PZP: variants seen among roughly 807,000 people sequenced by gnomAD.
The protein encoded by PZP is PZP alpha-2-macroglobulin like.
PZP carries 150 observed loss-of-function variants against 179.8 expected under a neutral mutation model. The ratio of observed to expected loss-of-function variants is 0.83; its 90% CI spans 0.73 to 0.96. The LOEUF (loss-of-function observed/expected upper bound fraction) is 0.96, where lower values mean the gene tolerates loss of function less well. Among genes scored for constraint, PZP ranks in the 40% least tolerant of loss-of-function variants. The pLI is 0.00. For synonymous variants in PZP, 624 were observed against 652.3 expected (o/e 0.96, Z 0.66); for missense variants, 1,689 against 1,764.0 (o/e 0.96, Z 0.76).
rs1407232266 is a variant in PZP at position 9,169,519 on chromosome 12, C to T, written c.1912G>A (p.Gly638Arg). 6.2e-7 allele frequency: 1 copy of T among 1,612,898 alleles called. No individual in the cohort carries two copies. Among genetic ancestry groups the T allele is most frequent in the African/African-American group, 1.3e-5 (1 of 74,818 alleles). The change falls in exon 16 of 36, where the codon GGA (glycine) becomes AGA (arginine). Residue 638 changes from glycine (G) to arginine (R), a missense_variant. Gly to Arg is a moderately radical substitution (Grantham distance 125). Around this residue, in one of 3 missense-constraint regions of PZP, gnomAD observed 201 missense variants for 284.2 expected, o/e 0.71. Coordinates refer to ENST00000261336, the MANE Select transcript of PZP (RefSeq NM_002864.3). ...ATGAAGAAAGGACGGGGACAGTGTC[C>T]TTGTTCTTCCTCCTGCTGGTCCACA... ...DNVDQQEEEQGHCPRPFFIHN... is the reference protein window; with the variant it reads ...DNVDQQEEEQRHCPRPFFIHN...
At chr12:9,151,452 G>C (rs1464222136) in intron 33 of PZP, 152 bp downstream of exon 33, 3 of 541,182 alleles carry the variant, frequency 5.5e-6, no homozygotes, top group African/African-American at 1.9e-5. Context: ...GAGTTCAAAG[G>C]TTTCCCCTCT....
intron 29 of PZP, 102 bp downstream of exon 29, chr12:9,154,514 A>T: frequency 8.8e-7 from 1 of 1,130,934 alleles, no homozygotes; most frequent in South Asian, 1.6e-5. Flanking sequence ...TACTTCTTCA[A>T]TGATTTAATA....
chr12:9,204,625 A>C (rs1233907978), intron 1 of PZP, among the ~76,000 whole-genome samples: 1 of 152,130 alleles, frequency 6.6e-6, no homozygotes, highest in Non-Finnish European at 1.5e-5. Context: ...TTACATGCAC[A>C]ACTCCCTGCT....
At chr12:9,160,942 C>T (rs1941156777) in intron 23 of PZP, 91 bp downstream of exon 23, 2 of 1,085,218 alleles carry the variant, frequency 1.8e-6, no homozygotes, top group Non-Finnish European at 2.8e-6. Context: ...TAGCAGCTAT[C>T]AAGAACTTGA....
At chr12:9,194,517 T>C (rs1468428527) in intron 10 of PZP, among the ~76,000 whole-genome samples, 1 of 138,694 alleles carries the variant, frequency 7.2e-6, no homozygotes, top group Admixed American at 8.1e-5. Flanking sequence ...CAGGCTGGAG[T>C]GCAGTGGCGC....
chr12:9,187,681 G>A lies in PZP; in HGVS notation c.1546+4512C>T, dbSNP rs142029846. 3.0e-3 allele frequency among the ~76,000 whole-genome samples: 457 copies of A among 152,248 alleles called. 5 individuals carry two copies. The highest frequency in any genetic ancestry group is 0.01 in the African/African-American group (423 of 41,524). On this transcript the variant is annotated intron_variant, in intron 13 of 35. Transcript: ENST00000261336. ...AGAATTTCTGGGACACAGCTAAGGC[G>A]GTGTTAAGAGGGAAACTTATAGCAC...
In PZP at chr12:9,208,259, G is replaced by A. The variant is rs777517494; in HGVS notation, c.83C>T (p.Pro28Leu). 13 of 1,610,840 alleles carry A rather than the reference G, an allele frequency of 8.1e-6. No homozygotes were observed. Among genetic ancestry groups the A allele is most frequent in the Admixed American group, 3.3e-5 (2 of 59,972 alleles). Residue 28 changes from proline to leucine, a missense_variant and splice_region_variant, in exon 1 of 36, where the codon CCG (proline) becomes CTG (leucine). This residue lies in a region of PZP where 742 missense variants were observed against 730.5 expected (regional missense o/e 1.02). Transcript: ENST00000261336. ...GGAAGGGGTCTTGAGTGAGACTTAC[G>A]GTTCTGTAGAGTTTGAGTCACTGGC... ...LSASDSNSTE[P>L]QYMVLVPSLL...
chr12:9,140,736 G>C, the PZP span, among the ~76,000 whole-genome samples: 238 of 152,188 alleles, frequency 1.6e-3, no homozygotes, highest in Middle Eastern at 3.4e-3. Context: ...AGATAACTTG[G>C]GGGTACTGGC....
At chr12:9,177,554 A>G (rs1201540433) in intron 15 of PZP, among the ~76,000 whole-genome samples, 1 of 152,264 alleles carries the variant, frequency 6.6e-6, no homozygotes, top group Admixed American at 6.5e-5. Flanking sequence ...ATTGTTATGC[A>G]GCAGTAGATA....
intron 21 of PZP, among the ~76,000 whole-genome samples, chr12:9,163,111 A>T (rs1941330895): frequency 6.6e-6 from 1 of 151,596 alleles, no homozygotes; most frequent in South Asian, 2.1e-4. Flanking sequence ...GGAAGAGATA[A>T]TAAGGGCAGT....
At position 9,162,717 on chromosome 12, in the gene PZP, C is replaced by CTTT. The variant is rs1360467152; in HGVS notation, c.2737-72_2737-70dup. Reference sequence around the variant, plus strand: ...GGTGACAAGAGAACCACATGGATTCCTTTCTTTGATGGGTAGGGTTTACAC... The same window carrying CTTT: ...GGTGACAAGAGAACCACATGGATTCCTTTTTTCTTTGATGGGTAGGGTTTACAC... On this transcript the variant is annotated intron_variant, in intron 21 of 35. Transcript: ENST00000261336. 1.9e-5 allele frequency: 24 copies of CTTT among 1,243,128 alleles called. No homozygotes were observed. In the African/African-American group the frequency reaches 3.5e-4, roughly 18 times the overall value. 77.0% of individuals were successfully genotyped at this position (1,243,128 alleles called of 1,614,324 possible).
At chr12:9,157,142 C>T in intron 28 of PZP, 33 bp downstream of exon 28, 1 of 1,593,582 alleles carries the variant, frequency 6.3e-7, no homozygotes, top group Non-Finnish European at 8.6e-7. Flanking sequence ...TATGTGTTCT[C>T]ATTGTTCAGC....
intron 17 of PZP, chr12:9,168,529 T>G (rs7954068): frequency 0.61 from 120,944 of 198,366 alleles, 38,203 homozygotes; most frequent in East Asian, 0.83. Flanking sequence ...TCCTTCTTTA[T>G]GTTTTTTAAA....
chr12:9,158,541 G>T lies in PZP; in HGVS notation c.3173C>A (p.Ala1058Asp). ...TTCATCAATGAAGATGTAGGATCGA[G>T]CCTGGGCGAAAGTCTTCAGTACAAA... ...TAFVLKTFAQ[A>D]RSYIFIDEAH... The change falls in exon 26 of 36, where the codon GCT (alanine) becomes GAT (aspartate). Residue 1058 changes from alanine (A) to aspartate (D), a missense_variant. Physicochemically the swap from Ala to Asp is moderately radical, Grantham distance 126. Coordinates refer to ENST00000261336, the MANE Select transcript of PZP (RefSeq NM_002864.3). 1 of 1,614,134 alleles carries T rather than the reference G, an allele frequency of 6.2e-7. No homozygotes were observed. The highest frequency in any genetic ancestry group is 1.3e-5 in the African/African-American group (1 of 75,020).
downstream of PZP, among the ~76,000 whole-genome samples, chr12:9,146,840 G>C (rs1195302779): frequency 6.6e-6 from 1 of 152,166 alleles, no homozygotes; most frequent in Non-Finnish European, 1.5e-5. Context: ...GGACCCATCA[G>C]AACTACCTGA....
At chr12:9,157,966 TCTC>T (rs1422061231) in intron 26 of PZP, 125 bp from the exon 27 acceptor site, 5 of 838,154 alleles carry the variant, frequency 6.0e-6, no homozygotes, top group Admixed American at 2.1e-5. Context: ...CTTCTCTCTC[TCTC>T]TCTCGACAGG....
intron 1 of PZP, among the ~76,000 whole-genome samples, chr12:9,204,853 G>A (rs980328122): frequency 6.6e-6 from 1 of 152,128 alleles, no homozygotes; most frequent in African/African-American, 2.4e-5. Flanking sequence ...CCGGCACTTT[G>A]GGAGGCTGAG....
intron 8 of PZP, 108 bp from the exon 9 acceptor site, chr12:9,196,793 A>G: frequency 2.1e-6 from 2 of 939,042 alleles, no homozygotes; most frequent in Non-Finnish European, 3.4e-6. Flanking sequence ...TGCATTAAGT[A>G]AGTTAATTGA....
the PZP span, among the ~76,000 whole-genome samples, chr12:9,138,048 T>C: frequency 1.3e-5 from 2 of 152,046 alleles, no homozygotes; most frequent in Non-Finnish European, 2.9e-5. Flanking sequence ...AGGGCTTTGG[T>C]TCTATATTGA....
Sources: gnomAD v4.1 joint callset for allele counts (sites outside exome capture counted in the v4.1 genomes callset) on GRCh38, gnomAD v4.1.1 for gene constraint, gnomAD v4.1.1 regional missense constraint, MANE v1.5 for transcripts, NCBI Gene and HGNC (gene_info 2026-07-23, HGNC 2026-07-21) for gene names.